Variants in SORCS1 observed in about 807,000 individuals in gnomAD.
The protein encoded by SORCS1 is sortilin related VPS10 domain containing receptor 1, also known as VPS10 domain-containing receptor SorCS1.
Under a neutral mutation model 146.1 loss-of-function variants are expected in SORCS1, and 60 were observed. The ratio of observed to expected loss-of-function variants is 0.41; its 90% CI spans 0.33 to 0.51. The LOEUF is 0.51. SORCS1 is among the 20% of genes least tolerant of loss of function. SORCS1 has a pLI of 0.21. For missense variants in SORCS1, 1,352 were observed against 1,487.6 expected, an observed-to-expected ratio of 0.91 and a Z score of 1.50; for synonymous variants, 637 against 584.0, an observed-to-expected ratio of 1.09 and a Z score of -1.31.
chr10:106,879,789 A>G (rs547364878), intron 2 of SORCS1, among the ~76,000 whole-genome samples: 12 of 152,332 alleles, frequency 7.9e-5, no homozygotes, highest in African/African-American at 2.9e-4. Context: ...TCAGACCTAC[A>G]GCCTTAGGAC....
chr10:106,956,592 A>T lies in SORCS1; in HGVS notation c.559-12T>A. Reference sequence around the variant, plus strand: ...AAAATGAGAATCACCTGAAGGCAAAAGAAGAAATCATGGTTAGTCTCAAAC... The same window carrying T: ...AAAATGAGAATCACCTGAAGGCAAATGAAGAAATCATGGTTAGTCTCAAAC... On this transcript the variant is annotated splice_polypyrimidine_tract_variant and intron_variant, in intron 1 of 25. Transcript: ENST00000263054. The T allele has an allele frequency of 5.0e-6, 8 of 1,613,204 alleles. No homozygotes were observed. Among genetic ancestry groups the T allele is most frequent in the Non-Finnish European group, 6.8e-6 (8 of 1,179,248 alleles).
intron 1 of SORCS1, among the ~76,000 whole-genome samples, chr10:107,021,734 A>C (rs533915492): frequency 6.6e-6 from 1 of 152,174 alleles, no homozygotes; most frequent in African/African-American, 2.4e-5. Context: ...ATCTTCCCTA[A>C]GAGTTAAAAT....
chr10:106,802,626 G>A (rs1038941115), intron 3 of SORCS1, among the ~76,000 whole-genome samples: 1 of 151,978 alleles, frequency 6.6e-6, no homozygotes, highest in East Asian at 1.9e-4. Context: ...AGCCTCCCAC[G>A]TAGCTGGGAT....
At position 106,695,944 on chromosome 10, in the gene SORCS1, C is replaced by T. The variant is rs117527861; in HGVS notation, c.1413+3270G>A. On this transcript the variant is annotated intron_variant, in intron 9 of 25. Transcript: ENST00000263054. ...AGAACACAGAATCTGTAGCCAGGTT[C>T]CAATGTATTTGCAAACAAAATGCTT... Among the ~76,000 whole-genome samples the T allele has an allele frequency of 6.0e-3, 920 of 152,264 alleles. 7 individuals are homozygous for T. The highest frequency in any genetic ancestry group is 7.3e-3 in the Non-Finnish European group (497 of 68,034).
At chr10:106,612,688 T>A (rs1221616654) in intron 21 of SORCS1, among the ~76,000 whole-genome samples, 1 of 152,022 alleles carries the variant, frequency 6.6e-6, no homozygotes, top group Non-Finnish European at 1.5e-5. Flanking sequence ...ATGGCCAGCA[T>A]TTGCATACCA....
At chr10:106,798,598 C>A (rs1239310430) in intron 3 of SORCS1, among the ~76,000 whole-genome samples, 1 of 152,152 alleles carries the variant, frequency 6.6e-6, no homozygotes, top group East Asian at 1.9e-4. Context: ...TCACCCATGT[C>A]CCTACAAAGG....
At chr10:106,628,625 A>G (rs891900211) in intron 19 of SORCS1, among the ~76,000 whole-genome samples, 2 of 152,202 alleles carry the variant, frequency 1.3e-5, no homozygotes, top group Non-Finnish European at 2.9e-5. Flanking sequence ...ACTGTTTCCT[A>G]CCACAGTTTC....
intron 2 of SORCS1, among the ~76,000 whole-genome samples, chr10:106,835,828 A>G (rs987215406): frequency 2.0e-5 from 3 of 151,990 alleles, no homozygotes; most frequent in Non-Finnish European, 4.4e-5. Context: ...CAACATATAG[A>G]AGCCCCATCT....
chr10:106,732,119 T>C (rs2136025914), intron 5 of SORCS1, among the ~76,000 whole-genome samples: 1 of 152,342 alleles, frequency 6.6e-6, no homozygotes, highest in African/African-American at 2.4e-5. Context: ...AGCCCTGTTA[T>C]CGCTGTCAAT....
intron 6 of SORCS1, among the ~76,000 whole-genome samples, chr10:106,720,124 T>C (rs1463349137): frequency 6.6e-6 from 1 of 152,196 alleles, no homozygotes; most frequent in Non-Finnish European, 1.5e-5. Context: ...CCACTTCTCA[T>C]ACAAATACTT....
chr10:107,126,745 G>A (rs893899386), intron 1 of SORCS1, among the ~76,000 whole-genome samples: 16 of 152,018 alleles, frequency 1.1e-4, no homozygotes, highest in East Asian at 3.9e-4. Flanking sequence ...TCCTTTAATC[G>A]CGGGCATTTC....
intron 3 of SORCS1, among the ~76,000 whole-genome samples, chr10:106,826,280 C>T (rs893066700): frequency 6.6e-5 from 10 of 152,214 alleles, no homozygotes; most frequent in African/African-American, 2.2e-4. Context: ...CTCCCACTAG[C>T]GTGAAAAGCA....
rs536561536 is a variant in SORCS1 at position 107,149,359 on chromosome 10, G to C, written c.558+14610C>G. Reference sequence around the variant, plus strand: ...TAACACTGGAGTGGAATATTCTATTGCATTTTCTTACTGCTGTAAAAAAAA... The same window carrying C: ...TAACACTGGAGTGGAATATTCTATTCCATTTTCTTACTGCTGTAAAAAAAA... On this transcript the variant is annotated intron_variant, in intron 1 of 25. Transcript: ENST00000263054. Among the ~76,000 whole-genome samples, 6 of 151,946 alleles carry C rather than the reference G, an allele frequency of 3.9e-5. 1 individual carries two copies. Among genetic ancestry groups the C allele is most frequent in the African/African-American group, 1.5e-4 (6 of 41,308 alleles).
Position 107,039,257 on chromosome 10 carries a change from G to C in SORCS1, c.559-82677C>G, listed in dbSNP as rs962225714. On this transcript the variant is annotated intron_variant, in intron 1 of 25. Transcript: ENST00000263054. ...GCAGGAAAATGGCGTGAACCCGGGA[G>C]GAGGAGTTTGCAGTGAGCGTAGATC... Among the ~76,000 whole-genome samples, 5 of 151,310 alleles carry C rather than the reference G, an allele frequency of 3.3e-5. No individual in the cohort carries two copies. The East Asian group carries it at 9.8e-4, about 30-fold the overall frequency.
chr10:106,838,557 C>G (rs1226079653), intron 2 of SORCS1, among the ~76,000 whole-genome samples: 1 of 152,136 alleles, frequency 6.6e-6, no homozygotes, highest in Non-Finnish European at 1.5e-5. Flanking sequence ...AATAGTTTCA[C>G]TCGGTCAAAA....
chr10:106,769,358 G>A (rs546618034), intron 4 of SORCS1, among the ~76,000 whole-genome samples: 2 of 152,006 alleles, frequency 1.3e-5, no homozygotes, highest in African/African-American at 2.4e-5. Flanking sequence ...GGGGGCGGGT[G>A]CCAGTAATCC....
At chr10:107,132,119 A>T (rs373381859) in intron 1 of SORCS1, among the ~76,000 whole-genome samples, 2 of 151,852 alleles carry the variant, frequency 1.3e-5, no homozygotes, top group East Asian at 3.9e-4. Context: ...ATACAGGTCA[A>T]TTTCTCTCTC....
In SORCS1 at chr10:106,617,111, T is replaced by C. The variant is rs147073934; in HGVS notation, c.2920+1038A>G. Among the ~76,000 whole-genome samples, 176 of 152,120 alleles carry C rather than the reference T, an allele frequency of 1.2e-3. 1 individual carries two copies. Among genetic ancestry groups the C allele is most frequent in the African/African-American group, 4.2e-3 (173 of 41,500 alleles). ...CTGGGATTACAGGCATGTTCCACCA[T>C]GCCTGGCTAAATTTTATATTTTTAG... On this transcript the variant is annotated intron_variant, in intron 21 of 25. Transcript: ENST00000263054.
chr10:106,879,127 G>A (rs775921883), intron 2 of SORCS1, among the ~76,000 whole-genome samples: 1 of 147,304 alleles, frequency 6.8e-6, no homozygotes, highest in South Asian at 2.2e-4. Flanking sequence ...TCCAGCCTGG[G>A]CGACAGAGTG....
Sources: gnomAD v4.1 joint callset for allele counts (sites outside exome capture counted in the v4.1 genomes callset) on GRCh38, gnomAD v4.1.1 for gene constraint, MANE v1.5 for transcripts, NCBI Gene and HGNC (gene_info 2026-07-23, HGNC 2026-07-21) for gene names.